The following IGSF21 variants were observed in gnomAD, a reference collection of about 807,000 sequenced individuals.
IGSF21 encodes the protein immunoglobulin superfamily member 21.
In IGSF21, 28 loss-of-function variants were observed where a neutral mutation model predicts 46.8. The ratio of observed to expected loss-of-function variants is 0.60; its 90% CI spans 0.44 to 0.82. The LOEUF is 0.82. Among genes scored for constraint, IGSF21 ranks in the 40% least tolerant of loss-of-function variants. The probability of loss-of-function intolerance (pLI) is 0.00; values close to 1 mark genes in which losing one functional copy is unlikely to be tolerated. For missense variants in IGSF21, 624 were observed against 665.5 expected (o/e 0.94, Z 0.69); for synonymous variants, 284 against 273.6 (o/e 1.04, Z -0.38).
intron 1 of IGSF21, among the ~76,000 whole-genome samples, chr1:18,205,726 A>G (rs1459527011): frequency 6.6e-6 from 1 of 152,276 alleles, no homozygotes; most frequent in East Asian, 1.9e-4. Flanking sequence ...ATCTATATGA[A>G]GAATTCTAAT....
At position 18,275,281 on chromosome 1, in the gene IGSF21, C is replaced by G. The variant is rs534778452; in HGVS notation, c.184-16585C>G. Among the ~76,000 whole-genome samples, 74 of 152,124 alleles carry G rather than the reference C, an allele frequency of 4.9e-4. 1 individual carries two copies. Among genetic ancestry groups the G allele is most frequent in the Middle Eastern group, 3.4e-3 (1 of 294 alleles). ...GTAGATCTGGGAGGCAGTCTTGACC[C>G]AGGGATCTAAGCTGGGGCTTGGCGT... On this transcript the variant is annotated intron_variant, in intron 2 of 9. Transcript: ENST00000251296.
At chr1:18,268,045 G>A (rs2085006631) in intron 2 of IGSF21, among the ~76,000 whole-genome samples, 1 of 152,200 alleles carries the variant, frequency 6.6e-6, no homozygotes, top group Non-Finnish European at 1.5e-5. Flanking sequence ...ATTTGCTGCT[G>A]TGTCCCCAGT....
At chr1:18,288,434 C>T (rs2124562551) in intron 2 of IGSF21, among the ~76,000 whole-genome samples, 1 of 152,322 alleles carries the variant, frequency 6.6e-6, no homozygotes, top group East Asian at 1.9e-4. Context: ...GACTGTGTAC[C>T]TCTTGTGAAT....
rs139506261 is a variant in IGSF21 at position 18,275,205 on chromosome 1, G to A, written c.184-16661G>A. On this transcript the variant is annotated intron_variant, in intron 2 of 9. Coordinates refer to ENST00000251296, the MANE Select transcript of IGSF21 (RefSeq NM_032880.5). Reference sequence around the variant, plus strand: ...CTTTGTGCAGCTCTTGCAGGCTCTGGGCAGAGTTAGAAGTTGCGCTCATGC... The same window carrying A: ...CTTTGTGCAGCTCTTGCAGGCTCTGAGCAGAGTTAGAAGTTGCGCTCATGC... 2.7e-3 allele frequency among the ~76,000 whole-genome samples: 406 copies of A among 152,286 alleles called. 1 individual carries two copies. Among genetic ancestry groups the A allele is most frequent in the African/African-American group, 8.3e-3 (346 of 41,552 alleles).
intron 1 of IGSF21, among the ~76,000 whole-genome samples, chr1:18,130,929 C>A (rs968880788): frequency 6.6e-6 from 1 of 152,234 alleles, no homozygotes; most frequent in Non-Finnish European, 1.5e-5. Flanking sequence ...ACAGCTCTCA[C>A]AGCCTGTATG....
At chr1:18,193,018 G>A (rs187024476) in intron 1 of IGSF21, among the ~76,000 whole-genome samples, 3 of 151,916 alleles carry the variant, frequency 2.0e-5, no homozygotes, top group Admixed American at 1.3e-4. Flanking sequence ...GCAGCAGGTA[G>A]CAACCCCCAA....
intron 1 of IGSF21, among the ~76,000 whole-genome samples, chr1:18,123,739 A>T (rs2086253533): frequency 6.6e-6 from 1 of 152,126 alleles, no homozygotes; most frequent in African/African-American, 2.4e-5. Context: ...AAAGGCCTAT[A>T]GGCTGGAAAG....
intron 6 of IGSF21, among the ~76,000 whole-genome samples, chr1:18,372,203 A>T (rs1451892952): frequency 1.3e-5 from 2 of 152,232 alleles, no homozygotes; most frequent in Admixed American, 1.3e-4. Flanking sequence ...CAACTGTTTA[A>T]TAGTTAATTA....
chr1:18,142,046 G>A (rs1223889564), intron 1 of IGSF21, among the ~76,000 whole-genome samples: 2 of 152,006 alleles, frequency 1.3e-5, no homozygotes, highest in Non-Finnish European at 2.9e-5. Context: ...TTCCAGCCTG[G>A]GCAACAGAGT....
Position 18,365,787 on chromosome 1 carries a change from C to A in IGSF21, c.1015+90C>A. On this transcript the variant is annotated intron_variant, in intron 6 of 9. Coordinates refer to ENST00000251296, the MANE Select transcript of IGSF21 (RefSeq NM_032880.5). This position sits in a 1 kb window ranked among gnomAD's most constrained non-coding sequence, Gnocchi z 4.8. ...ATAGGGTTCCTGGGCTGAGGACAGC[C>A]ATGGAAAGGGGGAGGAGATGGAGCA... 9.0e-7 allele frequency: 1 copy of A among 1,109,318 alleles called. No homozygotes were observed. Among genetic ancestry groups the A allele is most frequent in the Non-Finnish European group, 1.3e-6 (1 of 778,052 alleles). 68.7% of individuals were successfully genotyped at this position (1,109,318 alleles called of 1,614,324 possible). A position where few individuals can be genotyped will look rare whatever the true frequency, so the allele number is the denominator to read the frequency against.
intron 5 of IGSF21, among the ~76,000 whole-genome samples, chr1:18,363,113 G>T (rs16861844): frequency 0.13 from 20,316 of 152,250 alleles, 1,444 homozygotes; most frequent in African/African-American, 0.19. Flanking sequence ...AAGCACCTCT[G>T]TAGAACCCGT....
intron 1 of IGSF21, among the ~76,000 whole-genome samples, chr1:18,169,905 C>T (rs959372114): frequency 4.6e-5 from 7 of 151,618 alleles, no homozygotes; most frequent in African/African-American, 7.3e-5. Context: ...GGTTTTTTGG[C>T]GGGGGAGGGG....
chr1:18,279,799 T>C (rs1569710226), intron 2 of IGSF21, among the ~76,000 whole-genome samples: 2 of 152,352 alleles, frequency 1.3e-5, no homozygotes, highest in East Asian at 1.9e-4. Context: ...TATGCCAGCC[T>C]AGCAATGTTT....
chr1:18,184,140 C>T (rs763653195), intron 1 of IGSF21, among the ~76,000 whole-genome samples: 19 of 152,164 alleles, frequency 1.2e-4, no homozygotes, highest in Admixed American at 2.6e-4. Context: ...AATTTCCCCA[C>T]CAAAAAAGCA....
At chr1:18,158,367 G>T (rs74055919) in intron 1 of IGSF21, among the ~76,000 whole-genome samples, 3,358 of 152,308 alleles carry the variant, frequency 0.022, 126 homozygotes, top group African/African-American at 0.076. Flanking sequence ...GAGGTAAGAG[G>T]CATATAATGA....
chr1:18,133,915 C>T (rs2086345501), intron 1 of IGSF21, among the ~76,000 whole-genome samples: 1 of 152,164 alleles, frequency 6.6e-6, no homozygotes, highest in South Asian at 2.1e-4. Flanking sequence ...GCTTTCTAAG[C>T]ATAAAATGAG....
At chr1:18,306,061 A>C (rs75493305) in intron 3 of IGSF21, among the ~76,000 whole-genome samples, 1 of 152,108 alleles carries the variant, frequency 6.6e-6, no homozygotes, top group African/African-American at 2.4e-5. Flanking sequence ...AGCCAGAGTG[A>C]GCTTTCTAAA....
At chr1:18,174,081 A>G (rs944634270) in intron 1 of IGSF21, among the ~76,000 whole-genome samples, 2 of 152,156 alleles carry the variant, frequency 1.3e-5, no homozygotes, top group Non-Finnish European at 2.9e-5. Flanking sequence ...CATACTTTCC[A>G]TACATGAATG....
intron 1 of IGSF21, among the ~76,000 whole-genome samples, chr1:18,123,911 A>T (rs1244752676): frequency 6.6e-6 from 1 of 152,180 alleles, no homozygotes; most frequent in Admixed American, 6.5e-5. Flanking sequence ...CCCCTGGCCC[A>T]CTGGCATTCA....
Sources: gnomAD v4.1 joint callset for allele counts (sites outside exome capture counted in the v4.1 genomes callset) on GRCh38, gnomAD v4.1.1 for gene constraint, Gnocchi (gnomAD v3.1) non-coding constraint, MANE v1.5 for transcripts, NCBI Gene and HGNC (gene_info 2026-07-23, HGNC 2026-07-21) for gene names.